Variants in MEIS2 observed in about 807,000 individuals in gnomAD.
MEIS2 encodes the protein homeobox protein Meis2.
In MEIS2, 9 loss-of-function variants were observed where a neutral mutation model predicts 58.6. The observed-to-expected ratio is 0.15, with a 90% CI of 0.09 to 0.27. MEIS2 has a LOEUF of 0.27. MEIS2 is among the 10% of genes least tolerant of loss of function. MEIS2 has a pLI of 1.00. For synonymous variants in MEIS2, 221 were observed against 228.4 expected, an observed-to-expected ratio of 0.97 and a Z score of 0.29; for missense variants, 427 against 635.0, an observed-to-expected ratio of 0.67 and a Z score of 3.52.
chr15:36,985,730 T>C (rs974395831), intron 8 of MEIS2, among the ~76,000 whole-genome samples: 2 of 152,202 alleles, frequency 1.3e-5, no homozygotes, highest in Admixed American at 1.3e-4. Context: ...CTGTTTGTTA[T>C]AGAAAGGTCA....
At chr15:36,896,743 C>T (rs755019150) in intron 9 of MEIS2, 57 bp from the exon 10 acceptor site, 10 of 1,381,076 alleles carry the variant, frequency 7.2e-6, no homozygotes, top group South Asian at 1.2e-5. Flanking sequence ...TCTGCGAACA[C>T]CTTTGCATGA....
At chr15:36,919,591 A>T (rs1486604107) in intron 9 of MEIS2, among the ~76,000 whole-genome samples, 1 of 152,152 alleles carries the variant, frequency 6.6e-6, no homozygotes, top group Non-Finnish European at 1.5e-5. Context: ...AAAAAAAAAA[A>T]AAATTGGAAA....
intron 8 of MEIS2, among the ~76,000 whole-genome samples, chr15:37,018,239 C>T (rs930124531): frequency 3.9e-5 from 6 of 152,176 alleles, no homozygotes; most frequent in Admixed American, 3.3e-4. Context: ...AAATATTTTA[C>T]ATGTTAATCT....
chr15:36,916,788 A>G (rs1336639400), intron 9 of MEIS2, among the ~76,000 whole-genome samples: 1 of 152,148 alleles, frequency 6.6e-6, no homozygotes, highest in Non-Finnish European at 1.5e-5. Flanking sequence ...TTTCATCCAT[A>G]TTATTATAAT....
intron 9 of MEIS2, among the ~76,000 whole-genome samples, chr15:36,947,615 T>G (rs903138051): frequency 3.3e-5 from 5 of 152,006 alleles, no homozygotes; most frequent in African/African-American, 1.2e-4. Context: ...TATGCTTTTT[T>G]ACTGCTCTAA....
At chr15:37,094,454 G>T in intron 5 of MEIS2, 73 bp downstream of exon 5, 1 of 1,481,964 alleles carries the variant, frequency 6.7e-7, no homozygotes, top group Non-Finnish European at 9.3e-7. Context: ...CTAGAGGTTT[G>T]TTAAAAACAT....
At position 37,043,680 on chromosome 15, in the gene MEIS2, CTTTTTTTTTT is replaced by C. The variant is rs35502089; in HGVS notation, c.755-6731_755-6722del. On this transcript the variant is annotated intron_variant, in intron 7 of 11. Transcript: ENST00000561208. Reference sequence around the variant, plus strand: ...TCTATCTCTAGAACACCGTCCCCTCCTTTTTTTTTTTTTTTTTTTTTTGAGATGGAGTCCT... The same window carrying C: ...TCTATCTCTAGAACACCGTCCCCTCCTTTTTTTTTTTTGAGATGGAGTCCT... Among the ~76,000 whole-genome samples, 46 of 112,962 alleles carry C rather than the reference CTTTTTTTTTT, an allele frequency of 4.1e-4. 1 individual carries two copies. Among genetic ancestry groups the C allele is most frequent in the Admixed American group, 3.2e-3 (34 of 10,598 alleles). 74.1% of individuals were successfully genotyped at this position (112,962 alleles called of 152,430 possible).
intron 8 of MEIS2, among the ~76,000 whole-genome samples, chr15:36,980,550 C>T (rs775086779): frequency 3.5e-4 from 53 of 152,080 alleles, no homozygotes; most frequent in Non-Finnish European, 3.8e-4. Flanking sequence ...ATGGGAAACA[C>T]CTGCCCCCAT....
At chr15:37,004,393 A>T (rs574411428) in intron 8 of MEIS2, among the ~76,000 whole-genome samples, 1 of 152,380 alleles carries the variant, frequency 6.6e-6, no homozygotes, top group Admixed American at 6.5e-5. Context: ...GTTCAAGCAC[A>T]AAACAGCCTG....
At position 37,099,613 on chromosome 15, in the gene MEIS2, G is replaced by T; in HGVS notation, c.-147C>A. 1 of 1,153,522 alleles carries T rather than the reference G, an allele frequency of 8.7e-7. No individual in the cohort carries two copies. The highest frequency in any genetic ancestry group is 1.2e-6 in the Non-Finnish European group (1 of 837,716). 71.5% of individuals were successfully genotyped at this position (1,153,522 alleles called of 1,614,324 possible). ...TTCTCCAATATGCTATTTTTTAGGG[G>T]GGAAAAAAAGCCCAGTCTAGACAAC... On this transcript the variant is annotated 5_prime_UTR_variant, in exon 1 of 12. Transcript: ENST00000561208.
intron 9 of MEIS2, among the ~76,000 whole-genome samples, chr15:36,908,683 C>G (rs1358227919): frequency 1.3e-5 from 2 of 152,102 alleles, no homozygotes; most frequent in Non-Finnish European, 2.9e-5. Flanking sequence ...TGGCTGGGCA[C>G]GGAGGCTCAC....
chr15:36,938,741 TA>T (rs2058267318), intron 9 of MEIS2, among the ~76,000 whole-genome samples: 1 of 152,226 alleles, frequency 6.6e-6, no homozygotes, highest in Admixed American at 6.5e-5. Context: ...ATTAGAATTT[TA>T]AAGATAGAAA....
chr15:36,917,107 T>C (rs2057314249), intron 9 of MEIS2, among the ~76,000 whole-genome samples: 1 of 152,198 alleles, frequency 6.6e-6, no homozygotes, highest in Admixed American at 6.5e-5. Context: ...GGCCTGCAGC[T>C]GAAAGACCTT....
At chr15:37,015,041 A>T (rs2061299894) in intron 8 of MEIS2, among the ~76,000 whole-genome samples, 1 of 152,256 alleles carries the variant, frequency 6.6e-6, no homozygotes, top group Non-Finnish European at 1.5e-5. Flanking sequence ...TTGTGGCCCA[A>T]CATGTGACTT....
chr15:37,077,589 T>A (rs1166534405), intron 7 of MEIS2, among the ~76,000 whole-genome samples: 2 of 152,070 alleles, frequency 1.3e-5, no homozygotes, highest in African/African-American at 2.4e-5. Context: ...TAATATGAAA[T>A]GCTTCTATGG....
chr15:37,070,183 G>C (rs887094787), intron 7 of MEIS2, among the ~76,000 whole-genome samples: 2 of 152,166 alleles, frequency 1.3e-5, no homozygotes, highest in Admixed American at 1.3e-4. Flanking sequence ...TAACTACATG[G>C]AGAGCTGGGT....
chr15:36,966,327 T>A (rs566706487), intron 8 of MEIS2, among the ~76,000 whole-genome samples: 4 of 152,206 alleles, frequency 2.6e-5, no homozygotes, highest in Non-Finnish European at 5.9e-5. Flanking sequence ...TCAATAAATA[T>A]ATATTAATGT....
intron 3 of MEIS2, 131 bp from the exon 4 acceptor site, chr15:37,095,745 A>C: frequency 7.7e-7 from 1 of 1,303,698 alleles, no homozygotes; most frequent in Non-Finnish European, 1.1e-6. Flanking sequence ...CAAGAAAGAA[A>C]CTGGTGCCTT....
intron 9 of MEIS2, among the ~76,000 whole-genome samples, chr15:36,930,843 T>C (rs1385184334): frequency 6.6e-6 from 1 of 152,218 alleles, no homozygotes; most frequent in Non-Finnish European, 1.5e-5. Context: ...GCAGGTGAAA[T>C]ACAAAAGTGA....
Sources: allele counts gnomAD v4.1 joint callset (sites outside exome capture counted in the v4.1 genomes callset), GRCh38; gene constraint gnomAD v4.1.1; transcripts MANE v1.5; gene names NCBI Gene and HGNC (gene_info 2026-07-23, HGNC 2026-07-21).